Variants in ITSN1 observed in about 807,000 individuals in gnomAD.
ITSN1 encodes the protein intersectin-1.
A neutral mutation model predicts 239.8 loss-of-function variants in ITSN1; 58 were observed. The observed-to-expected ratio is 0.24, with a 90% CI of 0.20 to 0.30. The LOEUF (loss-of-function observed/expected upper bound fraction) is 0.30. ITSN1 is among the 10% of genes least tolerant of loss of function. The pLI is 1.00. For missense variants in ITSN1, 1,558 were observed against 2,103.3 expected, an observed-to-expected ratio of 0.74 and a Z score of 5.07; for synonymous variants, 780 against 770.8, an observed-to-expected ratio of 1.01 and a Z score of -0.20.
chr21:33,880,948 G>C (rs1009981808), intron 34 of ITSN1, among the ~76,000 whole-genome samples: 1 of 151,964 alleles, frequency 6.6e-6, no homozygotes, highest in African/African-American at 2.4e-5. Context: ...GGAGGTGATG[G>C]ACCCCCGAGA....
intron 1 of ITSN1, among the ~76,000 whole-genome samples, chr21:33,656,448 C>T (rs1362356349): frequency 6.6e-6 from 1 of 152,160 alleles, no homozygotes; most frequent in East Asian, 1.9e-4. Flanking sequence ...CATGCAAAAA[C>T]CAATACTACA....
intron 1 of ITSN1, among the ~76,000 whole-genome samples, chr21:33,711,286 C>T (rs1287760656): frequency 6.6e-6 from 1 of 150,884 alleles, no homozygotes; most frequent in Non-Finnish European, 1.5e-5. Context: ...ATTTTTTTTT[C>T]TCTCTGTATC....
chr21:33,845,483 G>T (rs1449775481), intron 29 of ITSN1, among the ~76,000 whole-genome samples: 1 of 151,864 alleles, frequency 6.6e-6, no homozygotes. Flanking sequence ...ATCATCCAGG[G>T]GATTCCCGGT....
chr21:33,750,364 T>G, intron 6 of ITSN1, 42 bp downstream of exon 6: 1 of 1,533,510 alleles, frequency 6.5e-7, no homozygotes, highest in Non-Finnish European at 9.0e-7. Context: ...TTTTACTACT[T>G]GTATTTTGCT....
In ITSN1 at chr21:33,776,028, A is replaced by G. The variant is rs116685345; in HGVS notation, c.1596+920A>G. On this transcript the variant is annotated intron_variant, in intron 14 of 39. Coordinates refer to ENST00000381318, the MANE Select transcript of ITSN1 (RefSeq NM_003024.3). ...AGCATGATGTTTTTGAGATGTGTCC[A>G]TGTTACTGAGTGAATGACTCTTTTG... is the stretch of plus-strand genomic sequence containing the variant. Among the ~76,000 whole-genome samples, 751 of 152,298 alleles carry G rather than the reference A, an allele frequency of 4.9e-3. 4 individuals are homozygous for G. The highest frequency in any genetic ancestry group is 0.017 in the African/African-American group (706 of 41,564).
chr21:33,834,567 T>A, intron 28 of ITSN1, 143 bp downstream of exon 28: 1 of 660,022 alleles, frequency 1.5e-6, no homozygotes, highest in Non-Finnish European at 2.8e-6. Context: ...GACACCCAAC[T>A]AATGTGATAT....
chr21:33,732,282 T>C (rs1018007842), intron 4 of ITSN1, among the ~76,000 whole-genome samples: 29 of 152,202 alleles, frequency 1.9e-4, no homozygotes, highest in Admixed American at 7.9e-4. Context: ...TTGATGCTAA[T>C]GCTGGTCAGC....
chr21:33,795,027 T>G (rs2071427353), intron 17 of ITSN1, among the ~76,000 whole-genome samples: 1 of 152,256 alleles, frequency 6.6e-6, no homozygotes, highest in Non-Finnish European at 1.5e-5. Context: ...TGTAGTAAAT[T>G]GTAGAAATTT....
intron 9 of ITSN1, among the ~76,000 whole-genome samples, chr21:33,762,377 C>T (rs2068406735): frequency 1.3e-5 from 2 of 152,044 alleles, no homozygotes; most frequent in South Asian, 4.2e-4. Context: ...AGCGATTCTC[C>T]TGCCTCAGCC....
intron 19 of ITSN1, among the ~76,000 whole-genome samples, chr21:33,802,161 C>T (rs1011351000): frequency 6.6e-6 from 1 of 152,092 alleles, no homozygotes. Flanking sequence ...AAGCAGCTCG[C>T]TCTCATCCTA....
In ITSN1 at chr21:33,782,043, T is replaced by C; in HGVS notation, c.1734T>C (p.Ala578=). The C allele has an allele frequency of 1.2e-6, 2 of 1,613,686 alleles. No homozygotes were observed. Among genetic ancestry groups the C allele is most frequent in the South Asian group, 1.1e-5 (1 of 91,010 alleles). Residue 578 remains alanine (A), a synonymous_variant, in exon 16 of 40, where the codon GCT becomes GCC. Coordinates refer to ENST00000381318, the MANE Select transcript of ITSN1 (RefSeq NM_003024.3). ...LKRALEAKEL[A]RQHLRDQLDE... is the part of the protein sequence containing the mutation. ...GAGCCTTAGAAGCAAAAGAACTAGC[T>C]CGGCAGCACCTACGAGACCAACTGG...
intron 31 of ITSN1, among the ~76,000 whole-genome samples, chr21:33,859,689 A>G (rs533986931): frequency 3.0e-4 from 46 of 152,260 alleles, no homozygotes; most frequent in Non-Finnish European, 5.4e-4. Context: ...TTGTTCTTAT[A>G]AGGTAATTTC....
chr21:33,775,369 C>T (rs2069516250), intron 14 of ITSN1, among the ~76,000 whole-genome samples: 1 of 152,128 alleles, frequency 6.6e-6, no homozygotes, highest in Non-Finnish European at 1.5e-5. Context: ...ACTCTGTCTT[C>T]TGGGAGCTTA....
intron 11 of ITSN1, 80 bp from the exon 12 acceptor site, chr21:33,771,981 A>G: frequency 2.0e-6 from 3 of 1,511,742 alleles, no homozygotes; most frequent in Non-Finnish European, 2.7e-6. Context: ...ACAAATTTCA[A>G]ATACATTGGT....
intron 27 of ITSN1, among the ~76,000 whole-genome samples, chr21:33,832,929 T>G (rs2074379903): frequency 6.6e-6 from 1 of 152,196 alleles, no homozygotes; most frequent in Non-Finnish European, 1.5e-5. Context: ...AATTCAAAAG[T>G]TACAAGGGGA....
chr21:33,829,209 T>C (rs753942798), intron 26 of ITSN1: 15 of 358,868 alleles, frequency 4.2e-5, no homozygotes, highest in Non-Finnish European at 8.1e-5. Flanking sequence ...CTTTAGTCAC[T>C]TCAAAGTAGC....
At chr21:33,778,213 TG>T (rs2069808183) in intron 14 of ITSN1, among the ~76,000 whole-genome samples, 1 of 152,354 alleles carries the variant, frequency 6.6e-6, no homozygotes, top group Middle Eastern at 3.4e-3. Flanking sequence ...TTAAATCTGT[TG>T]AATTCAATTC....
chr21:33,813,509 C>CGTGG (rs1409179914), intron 21 of ITSN1, among the ~76,000 whole-genome samples: 1 of 152,050 alleles, frequency 6.6e-6, no homozygotes, highest in Non-Finnish European at 1.5e-5. Context: ...TGCGCCACCA[C>CGTGG]ACCCAGCTAA....
At chr21:33,867,015 C>T (rs1981724622) in intron 32 of ITSN1, among the ~76,000 whole-genome samples, 1 of 152,084 alleles carries the variant, frequency 6.6e-6, no homozygotes, top group African/African-American at 2.4e-5. Flanking sequence ...GGGCTTAACC[C>T]TGCTGGCTGA....
Sources: gnomAD v4.1 joint callset for allele counts (sites outside exome capture counted in the v4.1 genomes callset) on GRCh38, gnomAD v4.1.1 for gene constraint, MANE v1.5 for transcripts, NCBI Gene and HGNC (gene_info 2026-07-23, HGNC 2026-07-21) for gene names.